Variants in LCORL observed in about 807,000 individuals in gnomAD.
LCORL encodes ligand dependent nuclear receptor corepressor like, also known as ligand-dependent nuclear receptor corepressor-like protein.
In LCORL, 41 loss-of-function variants were observed where a neutral mutation model predicts 141.8. That is an observed-to-expected ratio of 0.29 (90% CI 0.23 to 0.38). The LOEUF is 0.38. Among genes scored for constraint, LCORL ranks in the 10% least tolerant of loss-of-function variants. LCORL has a pLI of 1.00. For missense variants in LCORL, 1,759 were observed against 2,035.0 expected (o/e 0.86, Z 2.61); for synonymous variants, 618 against 694.1 (o/e 0.89, Z 1.72).
At chr4:18,015,764 C>CAA (rs1408230290) in intron 1 of LCORL, among the ~76,000 whole-genome samples, 2 of 150,362 alleles carry the variant, frequency 1.3e-5, no homozygotes, top group African/African-American at 4.9e-5. Flanking sequence ...GAGCAGGAGA[C>CAA]AAGAAGCATC....
At chr4:18,010,416 ATATATATGTATGTATG>A (rs1219100068) in intron 1 of LCORL, among the ~76,000 whole-genome samples, 3 of 150,526 alleles carry the variant, frequency 2.0e-5, no homozygotes, top group Non-Finnish European at 4.4e-5. Flanking sequence ...GTGTGTGTAT[ATATATATGTATGTATG>A]TATATATGTA....
At chr4:17,903,031 C>T (rs183108656) in intron 5 of LCORL, among the ~76,000 whole-genome samples, 1 of 151,972 alleles carries the variant, frequency 6.6e-6, no homozygotes, top group African/African-American at 2.4e-5. Context: ...TATTTTGCAA[C>T]CAAAATGTTT....
rs530849428 is a variant in LCORL at position 17,934,717 on chromosome 4, A to G, written c.431-25372T>C. On this transcript the variant is annotated intron_variant, in intron 4 of 7. Coordinates refer to ENST00000635767, the Ensembl canonical transcript of LCORL. ...AATTATGGAGCAACAGTAATTCTAC[A>G]TTATGGGTAAATTTTTAAATTCCAA... Among the ~76,000 whole-genome samples, 11 of 152,324 alleles carry G rather than the reference A, an allele frequency of 7.2e-5. 1 individual carries two copies. In the East Asian group the frequency reaches 1.7e-3, roughly 24 times the overall value.
At chr4:17,988,442 T>A (rs1318588032) in intron 1 of LCORL, among the ~76,000 whole-genome samples, 1 of 152,148 alleles carries the variant, frequency 6.6e-6, no homozygotes, top group Admixed American at 6.5e-5. Context: ...CTTATTTTTT[T>A]ATTTTATTTT....
chr4:18,015,448 T>G (rs1221838814), intron 1 of LCORL, among the ~76,000 whole-genome samples: 1 of 152,198 alleles, frequency 6.6e-6, no homozygotes, highest in African/African-American at 2.4e-5. Context: ...AAAATTTGCA[T>G]GCAAAATTCA....
intron 4 of LCORL, among the ~76,000 whole-genome samples, chr4:17,940,794 T>C (rs1737827809): frequency 6.6e-6 from 1 of 152,066 alleles, no homozygotes; most frequent in African/African-American, 2.4e-5. Context: ...ATCCTATCTA[T>C]GAACTTTTGG....
intron 5 of LCORL, among the ~76,000 whole-genome samples, chr4:17,902,103 A>C (rs1330613070): frequency 6.6e-6 from 1 of 152,096 alleles, no homozygotes; most frequent in Non-Finnish European, 1.5e-5. Context: ...AGAGTGTATG[A>C]CATATTTAAG....
rs147387784 is a variant in LCORL at position 18,011,754 on chromosome 4, A to C, written c.154+9844T>G. On this transcript the variant is annotated intron_variant, in intron 1 of 7. Coordinates refer to ENST00000635767, the Ensembl canonical transcript of LCORL. ...AATTTATGTCTTTCTTTTGGACTAC[A>C]ACAGTGGAGGTGAGTAGCTGCAATA... 3.2e-3 allele frequency among the ~76,000 whole-genome samples: 491 copies of C among 152,296 alleles called. 2 individuals carry two copies. Among genetic ancestry groups the C allele is most frequent in the African/African-American group, 0.011 (446 of 41,540 alleles).
intron 6 of LCORL, chr4:17,883,209 T>C (rs1727808356): frequency 1.0e-6 from 1 of 981,576 alleles, no homozygotes; most frequent in Non-Finnish European, 1.2e-6. Flanking sequence ...ACTGTATATA[T>C]TAATTTTTCT....
chr4:17,965,456 C>G (rs1326851177), intron 2 of LCORL, among the ~76,000 whole-genome samples: 1 of 152,052 alleles, frequency 6.6e-6, no homozygotes, highest in Non-Finnish European at 1.5e-5. Context: ...AAGATGTTAT[C>G]TCTCTTTTTG....
chr4:17,971,870 G>T (rs1314742555), intron 2 of LCORL, among the ~76,000 whole-genome samples: 1 of 151,110 alleles, frequency 6.6e-6, no homozygotes, highest in African/African-American at 2.4e-5. Context: ...TTTATATTAA[G>T]AAATTAAGAA....
chr4:17,952,827 T>G (rs767176618), intron 4 of LCORL, among the ~76,000 whole-genome samples: 1 of 152,176 alleles, frequency 6.6e-6, no homozygotes, highest in Non-Finnish European at 1.5e-5. Context: ...TCAACACTCA[T>G]GTACTAAGCA....
At chr4:17,991,984 G>GGTTTTA (rs1720101941) in intron 1 of LCORL, among the ~76,000 whole-genome samples, 2 of 152,104 alleles carry the variant, frequency 1.3e-5, no homozygotes, top group Admixed American at 6.5e-5. Flanking sequence ...CTAAAGGGGA[G>GGTTTTA]CAGAGGTAAA....
intron 2 of LCORL, among the ~76,000 whole-genome samples, chr4:17,967,417 A>T (rs1715115824): frequency 6.6e-6 from 1 of 152,124 alleles, no homozygotes; most frequent in Admixed American, 6.5e-5. Flanking sequence ...GAATTTTGTT[A>T]ATAATAATTT....
At position 17,876,722 on chromosome 4, in the gene LCORL, A is replaced by G. The variant is rs1054437707; in HGVS notation, c.2268T>C (p.Asn756=). ...CATCATTTCTCAAAAGAGTTTGAGT[A>G]TTACCTAACTTTGGATTTTTCCTAT... The change falls in exon 7 of 8, where the codon AAT becomes AAC. Residue 756 remains asparagine (N), a synonymous_variant. Coordinates refer to ENST00000635767, the Ensembl canonical transcript of LCORL. The G allele has an allele frequency of 8.9e-6, 11 of 1,230,706 alleles. No individual in the cohort carries two copies. The Admixed American group carries it at 4.2e-4, about 47-fold the overall frequency. 76.2% of individuals were successfully genotyped at this position (1,230,706 alleles called of 1,614,324 possible). A position where few individuals can be genotyped will look rare whatever the true frequency, so the allele number is the denominator to read the frequency against.
chr4:17,921,260 T>C (rs970465143), intron 4 of LCORL, among the ~76,000 whole-genome samples: 1 of 152,028 alleles, frequency 6.6e-6, no homozygotes, highest in African/African-American at 2.4e-5. Context: ...ACTCCTGACA[T>C]TGTGATCTGC....
At chr4:17,974,543 T>C (rs1716568824) in intron 1 of LCORL, among the ~76,000 whole-genome samples, 1 of 152,156 alleles carries the variant, frequency 6.6e-6, no homozygotes, top group South Asian at 2.1e-4. Context: ...ATGGTACCCT[T>C]GTGCCCTTCT....
chr4:17,940,172 GTA>G (rs34121096), intron 4 of LCORL, among the ~76,000 whole-genome samples: 85,996 of 142,256 alleles, frequency 0.6, 27,715 homozygotes, highest in South Asian at 0.83. Context: ...ATGTATACAT[GTA>G]TATATATATA....
At chr4:17,940,584 C>A (rs1737789430) in intron 4 of LCORL, among the ~76,000 whole-genome samples, 1 of 123,364 alleles carries the variant, frequency 8.1e-6, no homozygotes, top group African/African-American at 3.0e-5. Context: ...ACCATAATTT[C>A]AAAGTAGTTG....
Sources: allele counts gnomAD v4.1 joint callset (sites outside exome capture counted in the v4.1 genomes callset), GRCh38; gene constraint gnomAD v4.1.1; transcripts MANE v1.5; gene names NCBI Gene and HGNC (gene_info 2026-07-23, HGNC 2026-07-21).